Variants in ARHGEF10 observed in about 807,000 individuals in gnomAD.
The protein encoded by ARHGEF10 is Rho guanine nucleotide exchange factor 10.
ARHGEF10 carries 140 observed loss-of-function variants against 147.4 expected under a neutral mutation model. That is an observed-to-expected ratio of 0.95 (90% CI 0.83 to 1.09). The LOEUF (loss-of-function observed/expected upper bound fraction) is 1.09. ARHGEF10 is among the 50% of genes least tolerant of loss of function. The pLI is 0.00. For missense variants in ARHGEF10, 2,222 were observed against 1,752.7 expected (o/e 1.27, Z -4.78); for synonymous variants, 902 against 695.8 (o/e 1.30, Z -4.67).
At chr8:1,877,708 C>T (rs947942707) in intron 8 of ARHGEF10, among the ~76,000 whole-genome samples, 4 of 135,522 alleles carry the variant, frequency 3.0e-5, no homozygotes, top group Admixed American at 2.2e-4. Flanking sequence ...GGTGCCAGGC[C>T]GTGCCACCGG....
intron 26 of ARHGEF10, among the ~76,000 whole-genome samples, chr8:1,943,232 A>G (rs1814253787): frequency 1.3e-5 from 2 of 151,916 alleles, no homozygotes; most frequent in Non-Finnish European, 2.9e-5. Context: ...CTTTTTCCCT[A>G]TTTTTCTTTT....
intron 23 of ARHGEF10, 115 bp downstream of exon 23, chr8:1,926,578 C>A: frequency 1.1e-6 from 1 of 919,182 alleles, no homozygotes. Context: ...GTGGCGTATC[C>A]CAGAGTGTAC....
At chr8:1,885,307 G>A (rs1190028205) in intron 10 of ARHGEF10, among the ~76,000 whole-genome samples, 1 of 152,186 alleles carries the variant, frequency 6.6e-6, no homozygotes, top group Non-Finnish European at 1.5e-5. Context: ...AAAACACTAA[G>A]ATTCCAAAAT....
intron 8 of ARHGEF10, among the ~76,000 whole-genome samples, chr8:1,877,259 G>A (rs1423123401): frequency 3.9e-5 from 6 of 152,102 alleles, no homozygotes; most frequent in South Asian, 2.1e-4. Context: ...ATGGAGTCTC[G>A]TTCTGTCTCC....
At chr8:1,947,598 C>T (rs921175426) in intron 27 of ARHGEF10, among the ~76,000 whole-genome samples, 1 of 152,026 alleles carries the variant, frequency 6.6e-6, no homozygotes, top group Non-Finnish European at 1.5e-5. Flanking sequence ...AAAGCCTGCG[C>T]TCTGGGGACT....
chr8:1,956,771 T>G lies in ARHGEF10; in HGVS notation c.3543T>G (p.His1181Gln). The G allele has an allele frequency of 1.9e-6, 3 of 1,614,032 alleles. No individual in the cohort carries two copies. The highest frequency in any genetic ancestry group is 2.5e-6 in the Non-Finnish European group (3 of 1,180,020). ...KVTGRGMVSY[H>Q]AHNSPVKFIV... ...CAGGAAGAGGCATGGTCTCCTACCA[T>G]GCACACAACAGTCCTGTCAAATTCA... Residue 1181 changes from histidine (H) to glutamine (Q), a missense_variant, in exon 29 of 29, where the codon CAT becomes CAG. His to Gln is a conservative substitution (Grantham distance 24). Coordinates refer to ENST00000349830, the MANE Select transcript of ARHGEF10 (RefSeq NM_014629.4).
intron 5 of ARHGEF10, among the ~76,000 whole-genome samples, chr8:1,864,772 T>A (rs1370000748): frequency 6.6e-6 from 1 of 152,222 alleles, no homozygotes; most frequent in African/African-American, 2.4e-5. Flanking sequence ...GCGTCCCCCG[T>A]GAAACCGCCT....
At chr8:1,890,304 C>T (rs1459393901) in intron 11 of ARHGEF10, among the ~76,000 whole-genome samples, 1 of 141,922 alleles carries the variant, frequency 7.0e-6, no homozygotes, top group African/African-American at 2.8e-5. Flanking sequence ...TGAGGAGACA[C>T]TGATGGGGTG....
At position 1,928,563 on chromosome 8, in the gene ARHGEF10, G is replaced by C. The variant is rs1234488592; in HGVS notation, c.2834G>C (p.Arg945Thr). The stretch of plus-strand genomic sequence containing the variant: ...TACGTTCCCGTCGAGGAGAAGCGCA[G>C]AGAGCCTGGGGCACCCCCGGACCCC... ...MLYVPVEEKR[R>T]EPGAPPDPET... Residue 945 changes from arginine (R) to threonine (T), a missense_variant, in exon 24 of 29, where the codon AGA (arginine) becomes ACA (threonine). Arg to Thr is a moderately conservative substitution (Grantham distance 71). Coordinates refer to ENST00000349830, the MANE Select transcript of ARHGEF10 (RefSeq NM_014629.4). 2 of 1,614,260 alleles carry C rather than the reference G, an allele frequency of 1.2e-6. No individual in the cohort carries two copies. Among genetic ancestry groups the C allele is most frequent in the Admixed American group, 1.7e-5 (1 of 60,034 alleles).
chr8:1,938,301 C>T (rs1813787057), intron 26 of ARHGEF10, among the ~76,000 whole-genome samples: 1 of 152,162 alleles, frequency 6.6e-6, no homozygotes. Context: ...TTCTGGATTT[C>T]TGGGGGGCGT....
At chr8:1,869,789 C>G (rs1364610344) in intron 7 of ARHGEF10, 2 of 199,820 alleles carry the variant, frequency 1.0e-5, no homozygotes, top group African/African-American at 2.3e-5. Flanking sequence ...AACATGGCTG[C>G]CTACACAGGA....
chr8:1,893,372 G>T (rs1161268768), intron 11 of ARHGEF10, among the ~76,000 whole-genome samples, 197 bp from the exon 12 acceptor site: 1 of 152,112 alleles, frequency 6.6e-6, no homozygotes, highest in African/African-American at 2.4e-5. Context: ...ATAGTTTGAG[G>T]TTTAAGACAT....
chr8:1,890,284 G>C (rs1276628419), intron 11 of ARHGEF10, among the ~76,000 whole-genome samples: 1 of 150,774 alleles, frequency 6.6e-6, no homozygotes, highest in Admixed American at 6.6e-5. Flanking sequence ...ATTGAGTGGG[G>C]TGAGGGTTCT....
intron 28 of ARHGEF10, among the ~76,000 whole-genome samples, chr8:1,954,163 G>A (rs538474507): frequency 4.6e-5 from 7 of 151,852 alleles, no homozygotes; most frequent in African/African-American, 7.2e-5. Context: ...GCACAGTCTC[G>A]GCTCACTGCA....
intron 20 of ARHGEF10, 34 bp downstream of exon 20, chr8:1,923,629 C>T: frequency 6.2e-7 from 1 of 1,614,072 alleles, no homozygotes; most frequent in Non-Finnish European, 8.5e-7. Context: ...ACCTTCTTGG[C>T]CAATGCTGGG....
chr8:1,883,985 G>T (rs985696168), intron 10 of ARHGEF10, among the ~76,000 whole-genome samples: 1 of 152,184 alleles, frequency 6.6e-6, no homozygotes, highest in Non-Finnish European at 1.5e-5. Context: ...CCCCGGGACT[G>T]GGTGTGTGGG....
In ARHGEF10 at chr8:1,903,453, T is replaced by TA; in HGVS notation, c.1821+2_1821+3insA. 6.2e-7 allele frequency: 1 copy of TA among 1,613,960 alleles called. No individual in the cohort carries two copies. The highest frequency in any genetic ancestry group is 8.5e-7 in the Non-Finnish European group (1 of 1,180,020). ...ATAAACGAAAGATACCTGAACAAGG[T>TA]TGAGAGAGGTTTTCTTCAACTCTAT... On this transcript the variant is annotated splice_region_variant and intron_variant, in intron 16 of 28. Transcript: ENST00000349830.
chr8:1,929,568 G>A (rs1812953840), intron 25 of ARHGEF10, 125 bp downstream of exon 25: 5 of 1,194,046 alleles, frequency 4.2e-6, no homozygotes, highest in Non-Finnish European at 5.7e-6. Context: ...CCGCCCCTGC[G>A]CTCGTCACCC....
chr8:1,888,264 A>AG (rs1808946838), intron 11 of ARHGEF10, among the ~76,000 whole-genome samples: 9 of 58,434 alleles, frequency 1.5e-4, no homozygotes, highest in Non-Finnish European at 2.0e-4. Context: ...GGAGATGCTG[A>AG]GTGGGGCTGT....
Sources: allele counts gnomAD v4.1 joint callset (sites outside exome capture counted in the v4.1 genomes callset), GRCh38; gene constraint gnomAD v4.1.1; transcripts MANE v1.5; gene names NCBI Gene and HGNC (gene_info 2026-07-23, HGNC 2026-07-21).